The following SFSWAP variants were observed in gnomAD, a reference collection of about 807,000 sequenced individuals.
The protein encoded by SFSWAP is splicing factor SWAP.
Under a neutral mutation model 100.7 loss-of-function variants are expected in SFSWAP, and 17 were observed. That is an observed-to-expected ratio of 0.17 (90% confidence interval 0.12 to 0.25). The LOEUF is 0.25. SFSWAP is among the 10% of genes least tolerant of loss of function. The probability of loss-of-function intolerance (pLI) is 1.00; values close to 1 mark genes in which losing one functional copy is unlikely to be tolerated. For synonymous variants in SFSWAP, 504 were observed against 510.1 expected, an observed-to-expected ratio of 0.99 and a Z score of 0.16; for missense variants, 1,005 against 1,262.6, an observed-to-expected ratio of 0.80 and a Z score of 3.09.
chr12:131,746,772 C>T (rs1881139416), intron 7 of SFSWAP, among the ~76,000 whole-genome samples: 2 of 152,166 alleles, frequency 1.3e-5, no homozygotes, highest in South Asian at 4.1e-4. Flanking sequence ...AATGTGGGTG[C>T]TGGATGCCGC....
At chr12:131,728,261 G>T (rs1445417785) in intron 6 of SFSWAP, 32 bp from the exon 7 acceptor site, 1 of 1,613,026 alleles carries the variant, frequency 6.2e-7, no homozygotes, top group South Asian at 1.1e-5. Flanking sequence ...TCAGAATATT[G>T]AATGCTAAGG....
At chr12:131,786,680 G>C in intron 15 of SFSWAP, 92 bp downstream of exon 15, 2 of 1,390,632 alleles carry the variant, frequency 1.4e-6, no homozygotes, top group Non-Finnish European at 1.9e-6. Context: ...TGTGAGCAGA[G>C]CTGTGGATGA....
intron 11 of SFSWAP, among the ~76,000 whole-genome samples, chr12:131,757,779 A>G (rs1308485522): frequency 6.6e-6 from 1 of 152,178 alleles, no homozygotes; most frequent in Non-Finnish European, 1.5e-5. Context: ...TGGGCCTCTC[A>G]TTCGAGTAGG....
intron 7 of SFSWAP, among the ~76,000 whole-genome samples, chr12:131,750,135 G>A (rs1186923238): frequency 6.6e-6 from 1 of 152,228 alleles, no homozygotes; most frequent in East Asian, 1.9e-4. Flanking sequence ...GGGCCACAGT[G>A]TCTGGGGAAG....
At chr12:131,774,941 G>A (rs1883893526) in intron 13 of SFSWAP, among the ~76,000 whole-genome samples, 1 of 152,124 alleles carries the variant, frequency 6.6e-6, no homozygotes, top group Admixed American at 6.5e-5. Context: ...AAAGTTTGGA[G>A]GCTCAAATCA....
intron 15 of SFSWAP, among the ~76,000 whole-genome samples, chr12:131,790,918 T>C (rs1885189599): frequency 6.6e-6 from 1 of 152,102 alleles, no homozygotes; most frequent in South Asian, 2.1e-4. Context: ...ATAGCAGATA[T>C]AAAGTAGGAT....
Position 131,794,681 on chromosome 12 carries a change from G to T in SFSWAP, c.2535-2497G>T, listed in dbSNP as rs1885504628. ...GAGAAGGGGTATAGACGGACTTGAA[G>T]TGGCATTGAGGAGCCTTCTGGAATG... On this transcript the variant is annotated intron_variant, in intron 15 of 17. Transcript: ENST00000261674. The surrounding 1 kb of genome is among the most constrained non-coding windows in gnomAD (Gnocchi z 4.8). 6.6e-6 allele frequency among the ~76,000 whole-genome samples: 1 copy of T among 152,244 alleles called. No individual in the cohort carries two copies. The highest frequency in any genetic ancestry group is 1.5e-5 in the Non-Finnish European group (1 of 68,044).
intron 13 of SFSWAP, among the ~76,000 whole-genome samples, chr12:131,772,833 C>T (rs767511106): frequency 3.3e-5 from 5 of 152,080 alleles, no homozygotes; most frequent in African/African-American, 1.2e-4. Context: ...TCAGGTCACA[C>T]GAACGAATTA....
intron 15 of SFSWAP, among the ~76,000 whole-genome samples, chr12:131,790,357 T>C (rs1235762398): frequency 6.6e-6 from 1 of 152,236 alleles, no homozygotes; most frequent in Non-Finnish European, 1.5e-5. Flanking sequence ...AGCCCTGGAA[T>C]CTACCATTTC....
intron 13 of SFSWAP, among the ~76,000 whole-genome samples, chr12:131,775,391 T>A (rs1156955275): frequency 6.6e-6 from 1 of 152,176 alleles, no homozygotes; most frequent in Non-Finnish European, 1.5e-5. Context: ...CGTGTTGAGG[T>A]TCCCAATGGC....
chr12:131,749,537 C>T (rs544266869), intron 7 of SFSWAP, among the ~76,000 whole-genome samples: 1 of 152,232 alleles, frequency 6.6e-6, no homozygotes, highest in African/African-American at 2.4e-5. Flanking sequence ...ATACAAAATC[C>T]CTGTGTCCTA....
intron 3 of SFSWAP, among the ~76,000 whole-genome samples, chr12:131,715,770 A>AGGG (rs753641991): frequency 6.6e-6 from 1 of 152,266 alleles, no homozygotes; most frequent in Non-Finnish European, 1.5e-5. Flanking sequence ...TCAAATGGAG[A>AGGG]TTTAATTGTA....
intron 5 of SFSWAP, among the ~76,000 whole-genome samples, chr12:131,726,442 T>G (rs1878987805): frequency 6.6e-6 from 1 of 152,206 alleles, no homozygotes; most frequent in South Asian, 2.1e-4. Flanking sequence ...ACTCCTGACC[T>G]CAGGTGATCC....
intron 7 of SFSWAP, among the ~76,000 whole-genome samples, chr12:131,750,743 C>T (rs1881544303): frequency 6.6e-6 from 1 of 152,226 alleles, no homozygotes; most frequent in African/African-American, 2.4e-5. Context: ...CAAGCTGGAG[C>T]ACAATGGTGC....
intron 7 of SFSWAP, among the ~76,000 whole-genome samples, chr12:131,739,843 C>T (rs1447045524): frequency 6.6e-6 from 1 of 152,082 alleles, no homozygotes; most frequent in Admixed American, 6.6e-5. Flanking sequence ...GCGCCCAGCC[C>T]CCAGTTGCTT....
At chr12:131,737,698 T>C (rs1269171538) in intron 7 of SFSWAP, among the ~76,000 whole-genome samples, 2 of 152,156 alleles carry the variant, frequency 1.3e-5, no homozygotes, top group Admixed American at 6.5e-5. Flanking sequence ...CACCTTAGGA[T>C]ATACTCAGTC....
intron 4 of SFSWAP, among the ~76,000 whole-genome samples, chr12:131,720,877 A>AT (rs1420709004): frequency 2.0e-5 from 3 of 152,112 alleles, no homozygotes; most frequent in Non-Finnish European, 2.9e-5. Flanking sequence ...TACTACTTGT[A>AT]TTGGTCTGTT....
At chr12:131,760,799 C>T (rs1466939808) in intron 11 of SFSWAP, among the ~76,000 whole-genome samples, 1 of 152,164 alleles carries the variant, frequency 6.6e-6, no homozygotes, top group Non-Finnish European at 1.5e-5. Flanking sequence ...TGGGGCCAGA[C>T]ATGGTGGCTC....
At position 131,778,333 on chromosome 12, in the gene SFSWAP, G is replaced by A. The variant is rs1309066168; in HGVS notation, c.2408+3G>A. The A allele has an allele frequency of 6.2e-7, 1 of 1,610,590 alleles. No individual in the cohort carries two copies. The highest frequency in any genetic ancestry group is 8.5e-7 in the Non-Finnish European group (1 of 1,177,842). ...TATCGGACAGTGCGGCGGTCGAGGT[G>A]GGTGTGAAGGGGGCAGCACCTCTGG... On this transcript the variant is annotated splice_donor_region_variant and intron_variant, in intron 14 of 17. Transcript: ENST00000261674. This position sits in a 1 kb window ranked among gnomAD's most constrained non-coding sequence, Gnocchi z 4.2.
Sources: allele counts gnomAD v4.1 joint callset (sites outside exome capture counted in the v4.1 genomes callset), GRCh38; gene constraint gnomAD v4.1.1; non-coding constraint Gnocchi (gnomAD v3.1); transcripts MANE v1.5; gene names NCBI Gene and HGNC (gene_info 2026-07-23, HGNC 2026-07-21).